KHDRBS3: variants seen among roughly 807,000 people sequenced by gnomAD.
KHDRBS3 encodes the protein KH RNA binding domain containing, signal transduction associated 3.
In KHDRBS3, 23 loss-of-function variants were observed where a neutral mutation model predicts 45.6. That is an observed-to-expected ratio of 0.50 (90% CI 0.36 to 0.72). KHDRBS3 has a LOEUF of 0.72. Ranked by LOEUF, KHDRBS3 falls within the 30% of genes least tolerant of loss-of-function variation. The pLI, the probability that KHDRBS3 is intolerant of heterozygous loss-of-function variation, is 0.00. For missense variants in KHDRBS3, 352 were observed against 424.8 expected (o/e 0.83, Z 1.51); for synonymous variants, 162 against 156.5 (o/e 1.04, Z -0.26).
chr8:135,562,691 C>T (rs144464735), intron 5 of KHDRBS3, among the ~76,000 whole-genome samples: 1 of 152,138 alleles, frequency 6.6e-6, no homozygotes, highest in African/African-American at 2.4e-5. Flanking sequence ...TACACAAAAA[C>T]GTACGTATTA....
At chr8:135,493,834 G>T (rs1212416987) in intron 1 of KHDRBS3, among the ~76,000 whole-genome samples, 1 of 152,122 alleles carries the variant, frequency 6.6e-6, no homozygotes, top group Non-Finnish European at 1.5e-5. Context: ...AAGAGTTTGT[G>T]TACAATTGTT....
intron 7 of KHDRBS3, among the ~76,000 whole-genome samples, chr8:135,626,529 C>T (rs987080255): frequency 1.3e-5 from 2 of 151,592 alleles, no homozygotes; most frequent in Non-Finnish European, 2.9e-5. Flanking sequence ...GGGGGCCGGG[C>T]GCGGTGGCTC....
chr8:135,458,129 G>A (rs1821212768), intron 1 of KHDRBS3, 175 bp downstream of exon 1: 2 of 1,378,520 alleles, frequency 1.5e-6, no homozygotes, highest in East Asian at 3.0e-5. Context: ...GACACCTAGG[G>A]GAAGACCCTG....
intron 8 of KHDRBS3, 74 bp from the exon 9 acceptor site, chr8:135,646,917 TAA>T (rs1471292206): frequency 4.9e-6 from 4 of 816,010 alleles, no homozygotes; most frequent in Non-Finnish European, 8.7e-6. Context: ...GGTTCAGGGC[TAA>T]GTTAGAGTCT....
At chr8:135,525,914 A>G (rs1245844346) in intron 2 of KHDRBS3, among the ~76,000 whole-genome samples, 2 of 152,226 alleles carry the variant, frequency 1.3e-5, no homozygotes, top group African/African-American at 2.4e-5. Context: ...CATGTGCTGC[A>G]TAGTGATTTC....
At chr8:135,614,942 G>C (rs1829857071) in intron 7 of KHDRBS3, among the ~76,000 whole-genome samples, 1 of 151,742 alleles carries the variant, frequency 6.6e-6, no homozygotes, top group Non-Finnish European at 1.5e-5. Context: ...AAGAAGTCGG[G>C]CTAGGGTCAG....
At chr8:135,610,748 A>T (rs1333625807) in intron 7 of KHDRBS3, among the ~76,000 whole-genome samples, 2 of 151,794 alleles carry the variant, frequency 1.3e-5, no homozygotes, top group African/African-American at 4.9e-5. Flanking sequence ...AGCAGTTCAC[A>T]GAGTAAGGCC....
intron 7 of KHDRBS3, among the ~76,000 whole-genome samples, chr8:135,636,811 T>C (rs1344092498): frequency 1.3e-5 from 2 of 152,202 alleles, no homozygotes; most frequent in Non-Finnish European, 2.9e-5. Context: ...AGCTTCTGCC[T>C]TACTCATCAG....
chr8:135,509,176 CA>C (rs1824152822), intron 1 of KHDRBS3, among the ~76,000 whole-genome samples: 1 of 152,170 alleles, frequency 6.6e-6, no homozygotes, highest in Non-Finnish European at 1.5e-5. Flanking sequence ...TTGACTATCC[CA>C]ATAGAATTCC....
chr8:135,586,510 C>G (rs1193566557), intron 6 of KHDRBS3, among the ~76,000 whole-genome samples: 2 of 149,790 alleles, frequency 1.3e-5, no homozygotes, highest in South Asian at 2.1e-4. Flanking sequence ...TTAAGCTACC[C>G]GAAGTAGGTA....
intron 2 of KHDRBS3, among the ~76,000 whole-genome samples, chr8:135,524,602 A>G (rs181111322): frequency 6.6e-6 from 1 of 151,962 alleles, no homozygotes; most frequent in African/African-American, 2.4e-5. Flanking sequence ...TACTACTTCA[A>G]TTCTTTTTCT....
At chr8:135,463,301 G>A (rs1241356362) in intron 1 of KHDRBS3, among the ~76,000 whole-genome samples, 3 of 152,098 alleles carry the variant, frequency 2.0e-5, no homozygotes, top group Non-Finnish European at 2.9e-5. Flanking sequence ...AAGTATATTT[G>A]GAATTTAGCA....
At chr8:135,613,856 T>C (rs902650667) in intron 7 of KHDRBS3, among the ~76,000 whole-genome samples, 3 of 151,656 alleles carry the variant, frequency 2.0e-5, no homozygotes, top group Non-Finnish European at 2.9e-5. Context: ...AGGGCTTCTT[T>C]CCATAATGAC....
intron 2 of KHDRBS3, among the ~76,000 whole-genome samples, chr8:135,528,371 G>C (rs1825299364): frequency 6.6e-6 from 1 of 152,208 alleles, no homozygotes; most frequent in South Asian, 2.1e-4. Flanking sequence ...TTACTACTTG[G>C]TAGAAGCCTA....
Position 135,557,591 on chromosome 8 carries a change from G to A in KHDRBS3, c.611+4G>A. ...TACCAGCCCCAGCAATAACCAGGTA[G>A]GTGTAAATTTTTTTTTAGGTTAACA... On this transcript the variant is annotated splice_donor_region_variant and intron_variant, in intron 5 of 8. Coordinates refer to ENST00000355849, the MANE Select transcript of KHDRBS3 (RefSeq NM_006558.3). 6.2e-7 allele frequency: 1 copy of A among 1,608,008 alleles called. No individual in the cohort carries two copies. The highest frequency in any genetic ancestry group is 8.5e-7 in the Non-Finnish European group (1 of 1,177,384).
intron 6 of KHDRBS3, among the ~76,000 whole-genome samples, chr8:135,604,266 A>T (rs913285718): frequency 2.0e-5 from 3 of 150,958 alleles, no homozygotes; most frequent in African/African-American, 7.3e-5. Context: ...TACTATTTTC[A>T]TGGAATATCT....
chr8:135,469,089 G>A (rs572354517), intron 1 of KHDRBS3, among the ~76,000 whole-genome samples: 2 of 152,376 alleles, frequency 1.3e-5, no homozygotes, highest in East Asian at 3.9e-4. Flanking sequence ...AGGGTCAGCT[G>A]AGAGGCACGA....
At chr8:135,578,705 T>C (rs180774870) in intron 5 of KHDRBS3, among the ~76,000 whole-genome samples, 1 of 152,316 alleles carries the variant, frequency 6.6e-6, no homozygotes, top group Non-Finnish European at 1.5e-5. Flanking sequence ...TCTGGGTCTT[T>C]TGCCTTTCCA....
At position 135,582,027 on chromosome 8, in the gene KHDRBS3, A is replaced by G. The variant is rs767333564; in HGVS notation, c.761A>G (p.Tyr254Cys). The G allele has an allele frequency of 1.2e-6, 2 of 1,601,812 alleles. No individual in the cohort carries two copies. The highest frequency in any genetic ancestry group is 8.5e-7 in the Non-Finnish European group (1 of 1,172,492). Residue 254 changes from tyrosine to cysteine, a missense_variant, in exon 6 of 9, where the codon TAC (tyrosine) becomes TGC (cysteine). Around this residue, in one of 6 missense-constraint regions of KHDRBS3, gnomAD observed 212 missense variants for 209.6 expected, o/e 1.01. Transcript: ENST00000355849. ...GCAAGAGGAGTCCCCCCAACTGGGT[A>G]CAGACCTCCACCGCCACCCCCGACA... ...PRARGVPPTG[Y>C]RPPPPPPTQE...
Sources: gnomAD v4.1 joint callset for allele counts (sites outside exome capture counted in the v4.1 genomes callset) on GRCh38, gnomAD v4.1.1 for gene constraint, gnomAD v4.1.1 regional missense constraint, MANE v1.5 for transcripts, NCBI Gene and HGNC (gene_info 2026-07-23, HGNC 2026-07-21) for gene names.